HEXIM2: variants seen among roughly 807,000 people sequenced by gnomAD.
HEXIM2 encodes HEXIM P-TEFb complex subunit 2.
For synonymous variants in HEXIM2, 159 were observed against 162.7 expected, an observed-to-expected ratio of 0.98 and a Z score of 0.17; for missense variants, 413 against 390.8, an observed-to-expected ratio of 1.06 and a Z score of -0.48.
At chr17:45,163,744 G>A (rs148892519) in intron 3 of HEXIM2, among the ~76,000 whole-genome samples, 37 of 152,028 alleles carry the variant, frequency 2.4e-4, no homozygotes, top group Admixed American at 6.6e-4. Context: ...AGCTACTCAG[G>A]AGGCTGATGC....
chr17:45,167,467 G>A (rs975113918), intron 3 of HEXIM2, among the ~76,000 whole-genome samples: 7 of 152,292 alleles, frequency 4.6e-5, no homozygotes, highest in Admixed American at 2.0e-4. Flanking sequence ...GTGTGGTGGC[G>A]CATGCCTGTA....
chr17:45,168,834 T>G, intron 3 of HEXIM2, 181 bp from the exon 4 acceptor site: 1 of 658,160 alleles, frequency 1.5e-6, no homozygotes, highest in South Asian at 2.0e-5. Flanking sequence ...TTGGGGAAGG[T>G]TGGGGGACAG....
upstream of HEXIM2, chr17:45,161,098 T>A (rs1567923738): frequency 1.9e-6 from 1 of 520,626 alleles, no homozygotes; most frequent in East Asian, 6.9e-5. Context: ...GGAGTCCCTC[T>A]GTGCGGGGCC....
At chr17:45,166,151 C>T (rs1189324753) in intron 3 of HEXIM2, among the ~76,000 whole-genome samples, 1 of 151,316 alleles carries the variant, frequency 6.6e-6, no homozygotes, top group Non-Finnish European at 1.5e-5. Context: ...TTTTTTGAGA[C>T]TCCAGCTCTG....
At position 45,169,514 on chromosome 17, in the gene HEXIM2, A is replaced by G. The variant is rs1434514452; in HGVS notation, c.566A>G (p.Gln189Arg). The G allele has an allele frequency of 1.2e-6, 2 of 1,604,498 alleles. No individual in the cohort carries two copies. The highest frequency in any genetic ancestry group is 2.7e-5 in the African/African-American group (2 of 74,660). ...DGRGRAHGEFQRKDFSETYER... is the reference protein window; with the variant it reads ...DGRGRAHGEFRRKDFSETYER... ...CGGGGCCGAGCGCACGGTGAGTTCC[A>G]GCGGAAGGACTTCTCTGAGACTTAC... Residue 189 changes from glutamine (Q) to arginine (R), a missense_variant, in exon 4 of 4, where the codon CAG (glutamine) becomes CGG (arginine). Transcript: ENST00000589230.
intron 3 of HEXIM2, among the ~76,000 whole-genome samples, chr17:45,168,388 C>T (rs993481035): frequency 2.6e-5 from 4 of 151,718 alleles, no homozygotes; most frequent in Non-Finnish European, 5.9e-5. Context: ...GAGGCTGAGG[C>T]TGGAGAATTC....
intron 3 of HEXIM2, among the ~76,000 whole-genome samples, chr17:45,163,886 G>A (rs2042769631): frequency 6.6e-6 from 1 of 151,562 alleles, no homozygotes; most frequent in Non-Finnish European, 1.5e-5. Flanking sequence ...CAGGCGCAGT[G>A]GCTCACGCCT....
Position 45,170,001 on chromosome 17 carries a change from T to G in HEXIM2, c.*192T>G, listed in dbSNP as rs1460413481. ...TGGCTCTTTTGTGTCATCTTACCCTTTACAGAGAAATTAAATGGCCTTGGT... is the reference window on the plus strand; with the variant it reads ...TGGCTCTTTTGTGTCATCTTACCCTGTACAGAGAAATTAAATGGCCTTGGT... On this transcript the variant is annotated 3_prime_UTR_variant, in exon 4 of 4. Transcript: ENST00000589230. The G allele has an allele frequency of 2.1e-6, 1 of 471,728 alleles. No homozygotes were observed. 29.2% of individuals were successfully genotyped at this position (471,728 alleles called of 1,614,324 possible).
At chr17:45,166,296 T>C (rs1180079765) in intron 3 of HEXIM2, among the ~76,000 whole-genome samples, 1 of 152,094 alleles carries the variant, frequency 6.6e-6, no homozygotes, top group Non-Finnish European at 1.5e-5. Flanking sequence ...GGCTAATTTT[T>C]TGTAATTTTT....
rs1247443713 is a variant in HEXIM2, at chr17:45,169,302, G to A, written c.354G>A (p.Glu118=). The A allele has an allele frequency of 1.9e-6, 3 of 1,613,750 alleles. No homozygotes were observed. Among genetic ancestry groups the A allele is most frequent in the African/African-American group, 1.3e-5 (1 of 74,918 alleles). Reference sequence around the variant, plus strand: ...GGGCTGAGAAACAACAGCGGGATGAGAGGCAGAGCCAGAGGGCCTCCCGGG... The same window carrying A: ...GGGCTGAGAAACAACAGCGGGATGAAAGGCAGAGCCAGAGGGCCTCCCGGG... ...LSWAEKQQRD[E]RQSQRASRVR... Residue 118 remains glutamate, a synonymous_variant, in exon 4 of 4, where the codon GAG becomes GAA. Transcript: ENST00000589230.
Position 45,169,007 on chromosome 17 carries a change from C to A in HEXIM2, c.67-8C>A. 1 of 1,589,304 alleles carries A rather than the reference C, an allele frequency of 6.3e-7. No individual in the cohort carries two copies. Among genetic ancestry groups the A allele is most frequent in the Non-Finnish European group, 8.6e-7 (1 of 1,166,666 alleles). On this transcript the variant is annotated splice_region_variant and splice_polypyrimidine_tract_variant and intron_variant, in intron 3 of 3. Coordinates refer to ENST00000589230, the MANE Select transcript of HEXIM2 (RefSeq NM_001303441.2). ...TGATCCATCCTTCTTCCTCCTCCCT[C>A]TCTTTAGACCTCTGGTGCCCCGGGG...
chr17:45,165,596 G>C (rs992241594), intron 3 of HEXIM2, among the ~76,000 whole-genome samples: 1 of 151,908 alleles, frequency 6.6e-6, no homozygotes, highest in Non-Finnish European at 1.5e-5. Context: ...ACACTCTCTT[G>C]ACAGCCTTTA....
intron 3 of HEXIM2, 181 bp from the exon 4 acceptor site, chr17:45,168,834 T>C (rs2042939800): frequency 3.0e-6 from 2 of 658,160 alleles, no homozygotes; most frequent in South Asian, 4.0e-5. Flanking sequence ...TTGGGGAAGG[T>C]TGGGGGACAG....
chr17:45,166,112 A>T (rs762636762), intron 3 of HEXIM2, among the ~76,000 whole-genome samples: 1 of 150,192 alleles, frequency 6.7e-6, no homozygotes, highest in African/African-American at 2.5e-5. Context: ...CATCTTCTTT[A>T]TGCCAGAAGG....
At position 45,162,804 on chromosome 17, in the gene HEXIM2, C is replaced by T. The variant is rs1447759355; in HGVS notation, c.11C>T (p.Thr4Ile). 9 of 1,613,886 alleles carry T rather than the reference C, an allele frequency of 5.6e-6. No individual in the cohort carries two copies. The highest frequency in any genetic ancestry group is 2.2e-5 in the East Asian group (1 of 44,896). The change falls in exon 3 of 4, where the codon ACT (threonine) becomes ATT (isoleucine). Residue 4 changes from threonine to isoleucine, a missense_variant. By Grantham distance (89) the Thr-to-Ile change is moderately conservative. Transcript: ENST00000589230. MMA[T>I]PNQTACNAES... is the part of the protein sequence containing the mutation. ...GATTTGGAACAGAAGATGATGGCCA[C>T]TCCGAACCAGACCGCCTGTAATGCA...
rs2042739487 is a variant in HEXIM2, at chr17:45,162,866, C to T, written c.66+7C>T. Reference sequence around the variant, plus strand: ...GGCCCTGGAGGAGGCCAAGGTAAGTCCCTGCCCTCCTGCCCACCCAAGCAC... The same window carrying T: ...GGCCCTGGAGGAGGCCAAGGTAAGTTCCTGCCCTCCTGCCCACCCAAGCAC... On this transcript the variant is annotated splice_region_variant and intron_variant, in intron 3 of 3. Coordinates refer to ENST00000589230, the MANE Select transcript of HEXIM2 (RefSeq NM_001303441.2). The T allele has an allele frequency of 6.3e-7, 1 of 1,590,574 alleles. No homozygotes were observed. The highest frequency in any genetic ancestry group is 1.3e-5 in the African/African-American group (1 of 74,412).
rs757492204 is a variant in HEXIM2 at position 45,161,928 on chromosome 17, C to G, written c.-296C>G. ...AGCGGCTTGACCAGAGCTGCTGCAACTGCAGCAAGAGGTAGGGCTCAGGCG... is the reference window on the plus strand; with the variant it reads ...AGCGGCTTGACCAGAGCTGCTGCAAGTGCAGCAAGAGGTAGGGCTCAGGCG... On this transcript the variant is annotated 5_prime_UTR_variant, in exon 1 of 4. Transcript: ENST00000589230. 2.1e-4 allele frequency: 211 copies of G among 985,406 alleles called. No individual in the cohort carries two copies. Among genetic ancestry groups the G allele is most frequent in the Middle Eastern group, 1.0e-3 (2 of 1,914 alleles). 61.0% of individuals were successfully genotyped at this position (985,406 alleles called of 1,614,324 possible). A position where few individuals can be genotyped will look rare whatever the true frequency, so the allele number is the denominator to read the frequency against.
intron 3 of HEXIM2, among the ~76,000 whole-genome samples, chr17:45,164,155 A>C (rs1567927676): frequency 1.4e-5 from 2 of 146,772 alleles, no homozygotes; most frequent in Non-Finnish European, 3.0e-5. Flanking sequence ...AACTCTCTCA[A>C]AAAAAAAAAA....
In HEXIM2 at chr17:45,162,801, C is replaced by T; in HGVS notation, c.8C>T (p.Ala3Val). Residue 3 changes from alanine to valine, a missense_variant, in exon 3 of 4, where the codon GCC (alanine) becomes GTC (valine). Coordinates refer to ENST00000589230, the MANE Select transcript of HEXIM2 (RefSeq NM_001303441.2). MM[A>V]TPNQTACNAE... The stretch of plus-strand genomic sequence containing the variant: ...AAAGATTTGGAACAGAAGATGATGG[C>T]CACTCCGAACCAGACCGCCTGTAAT... The T allele has an allele frequency of 6.2e-7, 1 of 1,613,858 alleles. No individual in the cohort carries two copies. The highest frequency in any genetic ancestry group is 8.5e-7 in the Non-Finnish European group (1 of 1,179,974).
Sources: allele counts gnomAD v4.1 joint callset (sites outside exome capture counted in the v4.1 genomes callset), GRCh38; gene constraint gnomAD v4.1.1; transcripts MANE v1.5; gene names NCBI Gene and HGNC (gene_info 2026-07-23, HGNC 2026-07-21).